Variants in RFTN1 observed in about 807,000 individuals in gnomAD.
RFTN1 encodes the protein raftlin, lipid raft linker 1.
A neutral mutation model predicts 46.5 loss-of-function variants in RFTN1; 26 were observed. The observed-to-expected ratio is 0.56, with a 90% CI of 0.41 to 0.78. RFTN1 has a LOEUF of 0.78. Among genes scored for constraint, RFTN1 ranks in the 30% least tolerant of loss-of-function variants. RFTN1 has a pLI of 0.00. For synonymous variants in RFTN1, 261 were observed against 284.2 expected (o/e 0.92, Z 0.82); for missense variants, 693 against 718.7 (o/e 0.96, Z 0.41).
rs1333494270 is a variant in RFTN1, at chr3:16,337,753, AAAAAG to A, written c.1147-10882_1147-10878del. 2.6e-5 allele frequency among the ~76,000 whole-genome samples: 4 copies of A among 151,922 alleles called. No homozygotes were observed. The highest frequency in any genetic ancestry group is 1.9e-4 in the East Asian group (1 of 5,180). ...GAGACTCCATCTCAAAAAAAAAAAAAAAAAGAAAAGAAAGTCACCTCATTTGATTT... is the reference window on the plus strand; with the variant it reads ...GAGACTCCATCTCAAAAAAAAAAAAAAAAAGAAAGTCACCTCATTTGATTT... On this transcript the variant is annotated intron_variant, in intron 7 of 9. Transcript: ENST00000334133. This position sits in a 1 kb window ranked among gnomAD's most constrained non-coding sequence, Gnocchi z 5.0.
rs1037688550 is a variant in RFTN1 at position 16,442,431 on chromosome 3, C to A, written c.146-8394G>T. Among the ~76,000 whole-genome samples, 2 of 152,030 alleles carry A rather than the reference C, an allele frequency of 1.3e-5. No individual in the cohort carries two copies. Among genetic ancestry groups the A allele is most frequent in the African/African-American group, 4.8e-5 (2 of 41,400 alleles). On this transcript the variant is annotated intron_variant, in intron 2 of 9. Transcript: ENST00000334133. This position sits in a 1 kb window ranked among gnomAD's most constrained non-coding sequence, Gnocchi z 4.1. ...AATAACATGCTTTCACAAAAAAAAA[C>A]TATTCTTTTTTTAAATTTTAATGGA...
chr3:16,409,277 C>G, intron 4 of RFTN1, 98 bp downstream of exon 4: 2 of 812,578 alleles, frequency 2.5e-6, no homozygotes, highest in Non-Finnish European at 4.2e-6. Context: ...TGCATGGCCT[C>G]TTGAGTGTGG....
chr3:16,463,113 A>G (rs1412495283), intron 2 of RFTN1, among the ~76,000 whole-genome samples: 1 of 152,260 alleles, frequency 6.6e-6, no homozygotes, highest in Non-Finnish European at 1.5e-5. Context: ...ATGTTTATCC[A>G]GTCAGTACTC....
In RFTN1 at chr3:16,344,389, AAAC is replaced by A. The variant is rs762397133; in HGVS notation, c.1146+13540_1146+13542del. ...AGGCATCAACTATAATCTAATTTAG[AAAC>A]AACATGTAAAAACAGATACATTCAG... is the stretch of plus-strand genomic sequence containing the variant. On this transcript the variant is annotated intron_variant, in intron 7 of 9. Transcript: ENST00000334133. This position sits in a 1 kb window ranked among gnomAD's most constrained non-coding sequence, Gnocchi z 4.4. Among the ~76,000 whole-genome samples the A allele has an allele frequency of 2.0e-5, 3 of 152,072 alleles. No homozygotes were observed. Among genetic ancestry groups the A allele is most frequent in the Non-Finnish European group, 2.9e-5 (2 of 68,032 alleles).
chr3:16,409,166 C>T (rs62236342), intron 4 of RFTN1, among the ~76,000 whole-genome samples: 11,465 of 152,262 alleles, frequency 0.075, 539 homozygotes, highest in Middle Eastern at 0.15. Context: ...GACCCGGGCT[C>T]CTGCATGCCT....
intron 1 of RFTN1, 87 bp from the exon 2 acceptor site, chr3:16,493,964 T>C (rs947469791): frequency 4.1e-6 from 6 of 1,452,594 alleles, no homozygotes; most frequent in Admixed American, 3.6e-5. Flanking sequence ...GCCGTAATTT[T>C]CCTGAAGAAT....
Position 16,317,092 on chromosome 3 carries a change from C to T in RFTN1, c.1473G>A (p.Met491Ile), listed in dbSNP as rs745349462. 1.2e-6 allele frequency: 2 copies of T among 1,613,916 alleles called. No homozygotes were observed. Among genetic ancestry groups the T allele is most frequent in the Non-Finnish European group, 1.7e-6 (2 of 1,179,992 alleles). The change falls in exon 10 of 10, where the codon ATG becomes ATA. Residue 491 changes from methionine to isoleucine, a missense_variant. Met to Ile is a conservative substitution (Grantham distance 10, BLOSUM62 1). Transcript: ENST00000334133. This position sits in a 1 kb window ranked among gnomAD's most constrained non-coding sequence, Gnocchi z 4.3. ...LEDQSSKAGD[M>I]GNCVSGQQQE... ...GCTGCTGTCCTGAAACACAGTTTCC[C>T]ATGTCTCCAGCTTTGGAAGACTGGT... is the stretch of plus-strand genomic sequence containing the variant.
rs144924236 is a variant in RFTN1, at chr3:16,500,322, T to C, written c.-8-6445A>G. Among the ~76,000 whole-genome samples the C allele has an allele frequency of 1.2e-4, 19 of 152,316 alleles. No homozygotes were observed. In the East Asian group the frequency reaches 3.5e-3, roughly 28 times the overall value. ...TGATTGACAGGTGTCCAGGCATTTG[T>C]TTCTCTTTTTATATTTTGTTTTCTC... On this transcript the variant is annotated intron_variant, in intron 1 of 9. Transcript: ENST00000334133. The surrounding 1 kb of genome is among the most constrained non-coding windows in gnomAD (Gnocchi z 5.9).
intron 2 of RFTN1, among the ~76,000 whole-genome samples, chr3:16,476,602 G>A (rs1361287460): frequency 2.0e-5 from 3 of 152,138 alleles, no homozygotes; most frequent in African/African-American, 7.2e-5. Context: ...GGATGGGAGG[G>A]AAGAGTGAAT....
chr3:16,430,792 T>C (rs776943687), intron 3 of RFTN1, among the ~76,000 whole-genome samples: 1 of 152,190 alleles, frequency 6.6e-6, no homozygotes, highest in Non-Finnish European at 1.5e-5. Flanking sequence ...GAAAGTCAGC[T>C]CAAACCCAAG....
intron 6 of RFTN1, 56 bp from the exon 7 acceptor site, chr3:16,358,103 A>G: frequency 1.1e-6 from 1 of 943,892 alleles, no homozygotes; most frequent in Non-Finnish European, 1.7e-6. Flanking sequence ...TCTGTGGCAG[A>G]AGTCTTCTAA....
At chr3:16,471,447 C>T (rs572389173) in intron 2 of RFTN1, among the ~76,000 whole-genome samples, 210 of 152,256 alleles carry the variant, frequency 1.4e-3, no homozygotes, top group African/African-American at 5.0e-3. Context: ...TTAATGGTCC[C>T]TGCCTCTCAG....
intron 9 of RFTN1, 60 bp downstream of exon 9, chr3:16,323,316 A>G: frequency 7.8e-7 from 1 of 1,286,298 alleles, no homozygotes; most frequent in Non-Finnish European, 1.1e-6. Flanking sequence ...TGCTGCAGAA[A>G]ATCCACTGAA....
chr3:16,438,832 G>A (rs147342321), intron 2 of RFTN1, among the ~76,000 whole-genome samples: 2,885 of 152,058 alleles, frequency 0.019, 48 homozygotes, highest in Middle Eastern at 0.027. Flanking sequence ...GGGAGGACTG[G>A]TCACCCCGGG....
Position 16,450,616 on chromosome 3 carries a change from C to T in RFTN1, c.146-16579G>A, listed in dbSNP as rs1200860277. On this transcript the variant is annotated intron_variant, in intron 2 of 9. Coordinates refer to ENST00000334133, the MANE Select transcript of RFTN1 (RefSeq NM_015150.2). This position sits in a 1 kb window ranked among gnomAD's most constrained non-coding sequence, Gnocchi z 4.6. Reference sequence around the variant, plus strand: ...CTTGGCCTGTCTCTACCTCCTGTCTCTAACTGCTCCTGAGGCAGGACAGGC... The same window carrying T: ...CTTGGCCTGTCTCTACCTCCTGTCTTTAACTGCTCCTGAGGCAGGACAGGC... 6.6e-6 allele frequency among the ~76,000 whole-genome samples: 1 copy of T among 152,200 alleles called. No homozygotes were observed. The highest frequency in any genetic ancestry group is 6.5e-5 in the Admixed American group (1 of 15,286).
chr3:16,438,427 A>G (rs1291865825), intron 2 of RFTN1, among the ~76,000 whole-genome samples: 3 of 151,752 alleles, frequency 2.0e-5, no homozygotes, highest in African/African-American at 7.3e-5. Context: ...TCTACCCAAA[A>G]TACAAAAATT....
At chr3:16,470,160 T>G (rs2076169380) in intron 2 of RFTN1, among the ~76,000 whole-genome samples, 1 of 152,204 alleles carries the variant, frequency 6.6e-6, no homozygotes, top group African/African-American at 2.4e-5. Flanking sequence ...CTGCTCCACT[T>G]CTGGTATGAC....
intron 9 of RFTN1, among the ~76,000 whole-genome samples, chr3:16,318,028 C>T (rs184186608): frequency 6.6e-6 from 1 of 152,178 alleles, no homozygotes; most frequent in Non-Finnish European, 1.5e-5. Flanking sequence ...GGCCGCTTCC[C>T]GGGGGCCCAA....
rs1206269692 is a variant in RFTN1 at position 16,382,932 on chromosome 3, A to G, written c.442-4830T>C. 1.3e-5 allele frequency among the ~76,000 whole-genome samples: 2 copies of G among 152,200 alleles called. No individual in the cohort carries two copies. Among genetic ancestry groups the G allele is most frequent in the Admixed American group, 6.5e-5 (1 of 15,276 alleles). On this transcript the variant is annotated intron_variant, in intron 4 of 9. Transcript: ENST00000334133. This position sits in a 1 kb window ranked among gnomAD's most constrained non-coding sequence, Gnocchi z 4.7. The stretch of plus-strand genomic sequence containing the variant: ...CATGAGGAGCCAGGTCACCTCAGCC[A>G]TGGAGCTCCCCACAGACTCCCACGC...
Sources: allele counts gnomAD v4.1 joint callset (sites outside exome capture counted in the v4.1 genomes callset), GRCh38; gene constraint gnomAD v4.1.1; non-coding constraint Gnocchi (gnomAD v3.1); transcripts MANE v1.5; gene names NCBI Gene and HGNC (gene_info 2026-07-23, HGNC 2026-07-21).